The following TRUB1 variants were observed in gnomAD, a reference collection of about 807,000 sequenced individuals.
TRUB1 encodes the protein pseudouridylate synthase TRUB1.
Under a neutral mutation model 33.9 loss-of-function variants are expected in TRUB1, and 23 were observed. That is an observed-to-expected ratio of 0.68 (90% CI 0.49 to 0.96). TRUB1 has a LOEUF of 0.96. Among genes scored for constraint, TRUB1 ranks in the 40% least tolerant of loss-of-function variants. TRUB1 has a pLI of 0.00. For synonymous variants in TRUB1, 163 were observed against 165.4 expected, an observed-to-expected ratio of 0.99 and a Z score of 0.11; for missense variants, 378 against 422.2, an observed-to-expected ratio of 0.90 and a Z score of 0.92.
rs769683844 is a variant in TRUB1 at position 114,975,382 on chromosome 10, T to C, written c.*3T>C. On this transcript the variant is annotated 3_prime_UTR_variant, in exon 8 of 8. Coordinates refer to ENST00000298746, the MANE Select transcript of TRUB1 (RefSeq NM_139169.5). ...ATGATGTAATTAAGACGTGTTGAGATTGGCCTGGGAATATCATCATTTTCT... is the reference window on the plus strand; with the variant it reads ...ATGATGTAATTAAGACGTGTTGAGACTGGCCTGGGAATATCATCATTTTCT... 9.6e-6 allele frequency: 15 copies of C among 1,556,884 alleles called. No individual in the cohort carries two copies. In the African/African-American group the frequency reaches 1.4e-4, roughly 14 times the overall value.
chr10:114,957,608 T>A (rs2143021733), intron 3 of TRUB1, among the ~76,000 whole-genome samples: 1 of 152,282 alleles, frequency 6.6e-6, no homozygotes. Context: ...AAGGGGTGGC[T>A]TTGAAAGCTG....
chr10:114,947,803 A>G (rs1457838180), intron 2 of TRUB1, among the ~76,000 whole-genome samples: 1 of 152,226 alleles, frequency 6.6e-6, no homozygotes, highest in Non-Finnish European at 1.5e-5. Flanking sequence ...GAGTTTTGTC[A>G]GAACTGATTT....
chr10:114,969,787 C>T (rs374188802), intron 4 of TRUB1, among the ~76,000 whole-genome samples: 8 of 135,324 alleles, frequency 5.9e-5, no homozygotes, highest in African/African-American at 2.3e-4. Context: ...GAGGCTGGGG[C>T]GGGGGGACAG....
intron 3 of TRUB1, among the ~76,000 whole-genome samples, chr10:114,955,592 T>C (rs1564699245): frequency 6.6e-6 from 1 of 152,024 alleles, no homozygotes; most frequent in African/African-American, 2.4e-5. Flanking sequence ...ATCATTGGAG[T>C]GAATGAAGTT....
At chr10:114,946,127 T>G (rs1296804545) in intron 2 of TRUB1, among the ~76,000 whole-genome samples, 1 of 152,196 alleles carries the variant, frequency 6.6e-6, no homozygotes, top group Non-Finnish European at 1.5e-5. Context: ...TAATCATACT[T>G]CGGTTTGTAC....
chr10:114,944,910 G>C (rs1240536896), intron 2 of TRUB1, among the ~76,000 whole-genome samples: 1 of 151,970 alleles, frequency 6.6e-6, no homozygotes, highest in African/African-American at 2.4e-5. Context: ...ACTGGAGCCT[G>C]GGAAGTTGAG....
intron 2 of TRUB1, among the ~76,000 whole-genome samples, chr10:114,948,229 G>A (rs1216811138): frequency 1.3e-5 from 2 of 152,046 alleles, no homozygotes; most frequent in Admixed American, 6.5e-5. Context: ...TTTCAAATGT[G>A]GTGCCTTTGC....
rs2084359036 is a variant in TRUB1 at position 114,976,093 on chromosome 10, A to G, written c.*714A>G. The G allele has an allele frequency of 6.6e-6, 1 of 152,620 alleles. No individual in the cohort carries two copies. Among genetic ancestry groups the G allele is most frequent in the African/African-American group, 2.4e-5 (1 of 41,468 alleles). The allele number at this position is 152,620 out of a possible 1,614,324, so 9.5% of individuals were successfully genotyped here. The stretch of plus-strand genomic sequence containing the variant: ...CCTATAGTTTTGTATTTTGGCAGCT[A>G]TGAGATATTTTCATGGTAATGTCAA... On this transcript the variant is annotated 3_prime_UTR_variant, in exon 8 of 8. Coordinates refer to ENST00000298746, the MANE Select transcript of TRUB1 (RefSeq NM_139169.5).
At chr10:114,939,040 T>A (rs1254141389) in intron 1 of TRUB1, among the ~76,000 whole-genome samples, 1 of 152,230 alleles carries the variant, frequency 6.6e-6, no homozygotes, top group African/African-American at 2.4e-5. Flanking sequence ...CCCTGCCCTG[T>A]CCGAGATTGT....
rs573807933 is a variant in TRUB1 at position 114,943,479 on chromosome 10, G to A, written c.385+736G>A. Among the ~76,000 whole-genome samples, 106 of 152,218 alleles carry A rather than the reference G, an allele frequency of 7.0e-4. 2 individuals carry two copies. In the South Asian group the frequency reaches 0.022, roughly 31 times the overall value. On this transcript the variant is annotated intron_variant, in intron 2 of 7. Coordinates refer to ENST00000298746, the MANE Select transcript of TRUB1 (RefSeq NM_139169.5). Reference sequence around the variant, plus strand: ...TGGGAGGCAGAGTGTTCAGTGAGCCGAGATCGCACCACTGCACTCCAGCCT... The same window carrying A: ...TGGGAGGCAGAGTGTTCAGTGAGCCAAGATCGCACCACTGCACTCCAGCCT...
At position 114,975,470 on chromosome 10, in the gene TRUB1, T is replaced by A; in HGVS notation, c.*91T>A. ...CAAGCTGCATTCAAAAGACAAACAA[T>A]ATGTCTTTTTTTTTTTTGCATGAAG... On this transcript the variant is annotated 3_prime_UTR_variant, in exon 8 of 8. Coordinates refer to ENST00000298746, the MANE Select transcript of TRUB1 (RefSeq NM_139169.5). The A allele has an allele frequency of 7.8e-7, 1 of 1,274,630 alleles. No homozygotes were observed. Among genetic ancestry groups the A allele is most frequent in the Non-Finnish European group, 1.0e-6 (1 of 952,998 alleles). The allele number at this position is 1,274,630 out of a possible 1,614,324, so 79.0% of individuals were successfully genotyped here.
chr10:114,939,918 C>A (rs1234813089), intron 1 of TRUB1, among the ~76,000 whole-genome samples: 2 of 151,524 alleles, frequency 1.3e-5, no homozygotes, highest in Non-Finnish European at 2.9e-5. Context: ...GGCTAATCTG[C>A]CTCTAAGAAC....
rs775201648 is a variant in TRUB1, at chr10:114,938,230, G to A, written c.-24G>A. ...CATCATCAGCGTGCACCTCCACGAT[G>A]AAACAGGTCTGGGCTACAAAAGTAT... On this transcript the variant is annotated 5_prime_UTR_variant, in exon 1 of 8. An upstream start codon of the reference 5' UTR is lost. Coordinates refer to ENST00000298746, the MANE Select transcript of TRUB1 (RefSeq NM_139169.5). The A allele has an allele frequency of 1.9e-6, 3 of 1,607,730 alleles. No individual in the cohort carries two copies. The highest frequency in any genetic ancestry group is 2.2e-5 in the South Asian group (2 of 90,130).
intron 6 of TRUB1, among the ~76,000 whole-genome samples, 186 bp downstream of exon 6, chr10:114,972,460 G>A (rs1257655078): frequency 3.3e-5 from 5 of 152,130 alleles, no homozygotes; most frequent in African/African-American, 1.2e-4. Context: ...GTAGCTATAT[G>A]GAGGTTCAGA....
intron 4 of TRUB1, among the ~76,000 whole-genome samples, chr10:114,969,064 T>C (rs2084323172): frequency 6.6e-6 from 1 of 152,002 alleles, no homozygotes; most frequent in Non-Finnish European, 1.5e-5. Context: ...ATGAAAATTC[T>C]AAATTTCAGT....
At chr10:114,971,164 G>A (rs971997095) in intron 5 of TRUB1, among the ~76,000 whole-genome samples, 1 of 152,132 alleles carries the variant, frequency 6.6e-6, no homozygotes, top group African/African-American at 2.4e-5. Context: ...CTTTATAAGC[G>A]TACTAATTTC....
At position 114,975,241 on chromosome 10, in the gene TRUB1, T is replaced by G; in HGVS notation, c.912T>G (p.Leu304=). 3.7e-6 allele frequency: 6 copies of G among 1,613,740 alleles called. No individual in the cohort carries two copies. Among genetic ancestry groups the G allele is most frequent in the Non-Finnish European group, 5.1e-6 (6 of 1,179,714 alleles). Residue 304 remains leucine (L), a synonymous_variant, in exon 8 of 8, where the codon CTT becomes CTG. Coordinates refer to ENST00000298746, the MANE Select transcript of TRUB1 (RefSeq NM_139169.5). ...CAATTGATGACATTGCACAGTCTCT[T>G]GAGCATTGCTCATCTCTTTTCCCAG... The part of the protein sequence containing the change: ...KWTIDDIAQS[L]EHCSSLFPAE...
At position 114,941,158 on chromosome 10, in the gene TRUB1, G is replaced by A. The variant is rs575468269; in HGVS notation, c.287-1487G>A. Among the ~76,000 whole-genome samples, 13 of 152,146 alleles carry A rather than the reference G, an allele frequency of 8.5e-5. No individual in the cohort carries two copies. The South Asian group carries it at 2.5e-3, about 29-fold the overall frequency. ...GATAAGGAAGGTTTGATGGGCTTGGGGGCAGGTATAGATCAATGTAGCAGT... is the reference window on the plus strand; with the variant it reads ...GATAAGGAAGGTTTGATGGGCTTGGAGGCAGGTATAGATCAATGTAGCAGT... On this transcript the variant is annotated intron_variant, in intron 1 of 7. Coordinates refer to ENST00000298746, the MANE Select transcript of TRUB1 (RefSeq NM_139169.5).
intron 1 of TRUB1, among the ~76,000 whole-genome samples, chr10:114,938,771 T>C (rs1469039606): frequency 6.6e-6 from 1 of 152,192 alleles, no homozygotes; most frequent in African/African-American, 2.4e-5. Flanking sequence ...AAAAATCCCG[T>C]ACTTACACAA....
Sources: allele counts gnomAD v4.1 joint callset (sites outside exome capture counted in the v4.1 genomes callset), GRCh38; gene constraint gnomAD v4.1.1; transcripts MANE v1.5; gene names NCBI Gene and HGNC (gene_info 2026-07-23, HGNC 2026-07-21).